Variants in RANBP9 observed in about 807,000 individuals in gnomAD.
The protein encoded by RANBP9 is RAN binding protein 9.
In RANBP9, 15 loss-of-function variants were observed where a neutral mutation model predicts 84.3. The ratio of observed to expected loss-of-function variants is 0.18; its 90% CI spans 0.12 to 0.27. The LOEUF (loss-of-function observed/expected upper bound fraction) is 0.27, where lower values mean the gene tolerates loss of function less well. Ranked by LOEUF, RANBP9 falls within the 10% of genes least tolerant of loss-of-function variation. The pLI is 1.00. For missense variants in RANBP9, 809 were observed against 912.8 expected, an observed-to-expected ratio of 0.89 and a Z score of 1.46; for synonymous variants, 392 against 349.6, an observed-to-expected ratio of 1.12 and a Z score of -1.35.
intron 5 of RANBP9, among the ~76,000 whole-genome samples, chr6:13,645,843 T>C (rs752720252): frequency 2.6e-5 from 4 of 152,210 alleles, no homozygotes; most frequent in Non-Finnish European, 5.9e-5. Flanking sequence ...TGTGTGAATA[T>C]GTTAAATAGA....
At chr6:13,650,084 A>T (rs1430768125) in intron 5 of RANBP9, among the ~76,000 whole-genome samples, 3 of 152,104 alleles carry the variant, frequency 2.0e-5, no homozygotes, top group Admixed American at 6.5e-5. Flanking sequence ...TATGTATTTT[A>T]AAAAAATAAA....
intron 2 of RANBP9, among the ~76,000 whole-genome samples, chr6:13,681,146 A>T (rs528948665): frequency 1.4e-4 from 21 of 152,222 alleles, no homozygotes; most frequent in Non-Finnish European, 2.8e-4. Context: ...CACATGCATC[A>T]TGCTAAGTGA....
chr6:13,679,416 T>C lies in RANBP9; in HGVS notation c.683+17369A>G, dbSNP rs376732767. On this transcript the variant is annotated intron_variant, in intron 2 of 13. Transcript: ENST00000011619. ...CAAGAAAAGCCTATTAGTTTGAGAG[T>C]TCCTCTGACGATTCTTTGTCGAATA... Among the ~76,000 whole-genome samples, 3 of 152,262 alleles carry C rather than the reference T, an allele frequency of 2.0e-5. No individual in the cohort carries two copies. The East Asian group carries it at 5.8e-4, about 29-fold the overall frequency.
chr6:13,667,993 A>C (rs1765689409), intron 2 of RANBP9, among the ~76,000 whole-genome samples: 1 of 152,114 alleles, frequency 6.6e-6, no homozygotes, highest in Admixed American at 6.5e-5. Context: ...AGGAATTATA[A>C]AGATTAGGGG....
At position 13,639,749 on chromosome 6, in the gene RANBP9, G is replaced by A; in HGVS notation, c.1339C>T (p.Arg447Cys). Residue 447 changes from arginine (R) to cysteine (C), a missense_variant, in exon 9 of 14, where the codon CGT becomes TGT. Physicochemically the swap from Arg to Cys is radical, Grantham distance 180 (BLOSUM62 -3). Transcript: ENST00000011619. ...NPNLLFTLKV[R>C]QFIEMVNGTD... ...CCATTCACCATTTCTATAAACTGAC[G>A]CACTCTAAAGGAGAAAAGAAAAATT... 3 of 1,612,712 alleles carry A rather than the reference G, an allele frequency of 1.9e-6. No individual in the cohort carries two copies. The highest frequency in any genetic ancestry group is 2.2e-5 in the East Asian group (1 of 44,840).
At chr6:13,650,020 A>T (rs1027821584) in intron 5 of RANBP9, among the ~76,000 whole-genome samples, 2 of 152,196 alleles carry the variant, frequency 1.3e-5, no homozygotes, top group African/African-American at 4.8e-5. Context: ...TGGGATTTTT[A>T]AAAATTTAAC....
At chr6:13,674,553 G>T (rs1464610845) in intron 2 of RANBP9, among the ~76,000 whole-genome samples, 2 of 152,200 alleles carry the variant, frequency 1.3e-5, no homozygotes, top group Non-Finnish European at 2.9e-5. Flanking sequence ...ATAAAAGCAG[G>T]ATGTCGGCAA....
intron 11 of RANBP9, 120 bp downstream of exon 11, chr6:13,634,311 C>A: frequency 8.0e-7 from 1 of 1,248,614 alleles, no homozygotes; most frequent in Non-Finnish European, 1.1e-6. Flanking sequence ...ACTGTCAAGT[C>A]CTACAGCACA....
At chr6:13,659,082 T>C (rs1765477470) in intron 2 of RANBP9, among the ~76,000 whole-genome samples, 1 of 152,104 alleles carries the variant, frequency 6.6e-6, no homozygotes, top group Non-Finnish European at 1.5e-5. Context: ...TATACAGCTA[T>C]GCACTCTACT....
intron 10 of RANBP9, 38 bp from the exon 11 acceptor site, chr6:13,634,590 A>G (rs776091747): frequency 5.8e-6 from 9 of 1,563,138 alleles, no homozygotes; most frequent in African/African-American, 1.4e-5. Context: ...TAGAAATATC[A>G]TACTTGCAGC....
At chr6:13,629,480 T>C (rs1334729935) in intron 12 of RANBP9, among the ~76,000 whole-genome samples, 1 of 152,166 alleles carries the variant, frequency 6.6e-6, no homozygotes, top group Non-Finnish European at 1.5e-5. Flanking sequence ...ATTACCTCAG[T>C]GGAATAACTT....
At chr6:13,628,177 A>C (rs1270331815) in intron 12 of RANBP9, among the ~76,000 whole-genome samples, 1 of 152,210 alleles carries the variant, frequency 6.6e-6, no homozygotes, top group Non-Finnish European at 1.5e-5. Context: ...GTGAATAGTA[A>C]GATGCAGATT....
chr6:13,670,536 C>T (rs933095229), intron 2 of RANBP9, among the ~76,000 whole-genome samples: 2 of 152,090 alleles, frequency 1.3e-5, no homozygotes, highest in African/African-American at 4.8e-5. Context: ...GTGGCTCATG[C>T]CTGTAATCCC....
Position 13,647,215 on chromosome 6 carries a change from CACAA to C in RANBP9, c.928-2490_928-2487del, listed in dbSNP as rs1765191770. Reference sequence around the variant, plus strand: ...ATATGTCTTGTAGCATTATTTGTAACACAAACAAAATTTTAAAATATTCACAGAT... The same window carrying C: ...ATATGTCTTGTAGCATTATTTGTAACACAAAATTTTAAAATATTCACAGAT... On this transcript the variant is annotated intron_variant, in intron 5 of 13. Coordinates refer to ENST00000011619, the MANE Select transcript of RANBP9 (RefSeq NM_005493.3). Among the ~76,000 whole-genome samples, 7 of 152,174 alleles carry C rather than the reference CACAA, an allele frequency of 4.6e-5. No homozygotes were observed. The South Asian group carries it at 1.4e-3, about 32-fold the overall frequency.
At chr6:13,680,033 A>G (rs1765991831) in intron 2 of RANBP9, among the ~76,000 whole-genome samples, 1 of 152,192 alleles carries the variant, frequency 6.6e-6, no homozygotes, top group African/African-American at 2.4e-5. Context: ...CCCCACAAGA[A>G]AAGAGGAAAG....
In RANBP9 at chr6:13,711,266, C is replaced by A. The variant is rs2113379601; in HGVS notation, c.240G>T (p.Ala80=). 1.0e-6 allele frequency: 1 copy of A among 979,226 alleles called. No individual in the cohort carries two copies. The highest frequency in any genetic ancestry group is 1.2e-6 in the Non-Finnish European group (1 of 825,776). The allele number at this position is 979,226 out of a possible 1,614,324, so 60.7% of individuals were successfully genotyped here. ...GGGGCGGCGGCGGGGGCGGCGGGGC[C>A]GCGGTGGCCGGGGGCGGCGGCGGCG... ...HPPPPPPPAT[A]APPPPPPPPP... The change falls in exon 1 of 14, where the codon GCG becomes GCT. Residue 80 remains alanine (A), a synonymous_variant. Transcript: ENST00000011619.
At chr6:13,701,368 C>T (rs1757965851) in intron 1 of RANBP9, among the ~76,000 whole-genome samples, 1 of 152,196 alleles carries the variant, frequency 6.6e-6, no homozygotes, top group Non-Finnish European at 1.5e-5. Flanking sequence ...GAAATGTTGT[C>T]AGCTTATTCC....
intron 11 of RANBP9, chr6:13,632,790 A>C (rs567068807): frequency 3.9e-6 from 1 of 254,846 alleles, no homozygotes; most frequent in African/African-American, 2.2e-5. Flanking sequence ...ATGTCAGAAA[A>C]AAATTTTAGA....
intron 5 of RANBP9, among the ~76,000 whole-genome samples, chr6:13,647,665 A>T (rs1228568406): frequency 6.6e-6 from 1 of 152,154 alleles, no homozygotes; most frequent in Non-Finnish European, 1.5e-5. Flanking sequence ...AGAGACTGGG[A>T]TTATGAAGAA....
Sources: allele counts gnomAD v4.1 joint callset (sites outside exome capture counted in the v4.1 genomes callset), GRCh38; gene constraint gnomAD v4.1.1; transcripts MANE v1.5; gene names NCBI Gene and HGNC (gene_info 2026-07-23, HGNC 2026-07-21).